The following EYA1 variants were observed in gnomAD, a reference collection of about 807,000 sequenced individuals.
The protein encoded by EYA1 is protein phosphatase EYA1.
EYA1 carries 16 observed loss-of-function variants against 82.0 expected under a neutral mutation model. That is an observed-to-expected ratio of 0.20 (90% confidence interval 0.13 to 0.30). EYA1 has a LOEUF of 0.30. Among genes scored for constraint, EYA1 ranks in the 10% least tolerant of loss-of-function variants. The pLI is 1.00. For missense variants in EYA1, 633 were observed against 730.7 expected (o/e 0.87, Z 1.54); for synonymous variants, 261 against 264.4 (o/e 0.99, Z 0.12).
At position 71,253,719 on chromosome 8, in the gene EYA1, G is replaced by C. The variant is rs13439784; in HGVS notation, c.1051-9027C>G. Reference sequence around the variant, plus strand: ...TTAGTTCTCTCACTTGAAACTAAGGGTGGTAAATTGAACTTCACCACACTA... The same window carrying C: ...TTAGTTCTCTCACTTGAAACTAAGGCTGGTAAATTGAACTTCACCACACTA... On this transcript the variant is annotated intron_variant, in intron 11 of 17. Transcript: ENST00000340726. Among the ~76,000 whole-genome samples the C allele has an allele frequency of 2.8e-3, 422 of 152,226 alleles. 2 individuals are homozygous for C. Among genetic ancestry groups the C allele is most frequent in the African/African-American group, 9.8e-3 (408 of 41,528 alleles).
chr8:71,518,455 G>A (rs571181418), intron 2 of EYA1, among the ~76,000 whole-genome samples: 4 of 152,120 alleles, frequency 2.6e-5, no homozygotes, highest in South Asian at 2.1e-4. Flanking sequence ...AAGGTGAAGC[G>A]ACAATGCTAT....
Position 71,501,572 on chromosome 8 carries a change from A to G in EYA1, c.33+34172T>C, listed in dbSNP as rs545109297. ...CATAAACCAGGCCATATTTTATACT[A>G]CATCTACATAAAGAAAAGCAGGAAA... On this transcript the variant is annotated intron_variant, in intron 2 of 18. Coordinates refer to the EYA1 transcript ENST00000643681. Among the ~76,000 whole-genome samples the G allele has an allele frequency of 2.6e-4, 39 of 152,350 alleles. No individual in the cohort carries two copies. The South Asian group carries it at 7.5e-3, about 29-fold the overall frequency.
chr8:71,209,579 C>T (rs779506026), intron 17 of EYA1, among the ~76,000 whole-genome samples: 13 of 152,198 alleles, frequency 8.5e-5, no homozygotes, highest in South Asian at 6.2e-4. Context: ...TGAAGGTAAA[C>T]TAGGCCATCT....
At chr8:71,459,087 T>C (rs1808175982) in intron 2 of EYA1, among the ~76,000 whole-genome samples, 1 of 152,176 alleles carries the variant, frequency 6.6e-6, no homozygotes, top group African/African-American at 2.4e-5. Context: ...CACAAGTTTC[T>C]ACAAAGTTTT....
At chr8:71,322,857 G>T (rs113671269) in intron 4 of EYA1, among the ~76,000 whole-genome samples, 3 of 152,228 alleles carry the variant, frequency 2.0e-5, no homozygotes, top group African/African-American at 7.2e-5. Context: ...AGCTAAGCCT[G>T]TTTTTTCCTG....
intron 16 of EYA1, among the ~76,000 whole-genome samples, chr8:71,214,182 A>G (rs1808887186): frequency 2.0e-5 from 3 of 152,122 alleles, no homozygotes; most frequent in Non-Finnish European, 1.5e-5. Context: ...ACCTGCTAGA[A>G]TGCTCATACC....
At chr8:71,405,405 A>G (rs1830165857) in intron 2 of EYA1, among the ~76,000 whole-genome samples, 2 of 152,044 alleles carry the variant, frequency 1.3e-5, no homozygotes, top group Admixed American at 6.5e-5. Flanking sequence ...TAAAGACTAG[A>G]CCCCTTTCTC....
chr8:71,270,695 CTT>C (rs1292239237), intron 10 of EYA1, among the ~76,000 whole-genome samples: 1 of 152,220 alleles, frequency 6.6e-6, no homozygotes, highest in Admixed American at 6.5e-5. Flanking sequence ...ATCTACCACT[CTT>C]TAAGTTCTTA....
intron 5 of EYA1, 88 bp from the exon 6 acceptor site, chr8:71,321,967 C>T: frequency 6.5e-7 from 1 of 1,550,152 alleles, no homozygotes; most frequent in Admixed American, 1.7e-5. Context: ...CAAATTCCAG[C>T]TAAATATTGT....
intron 4 of EYA1, among the ~76,000 whole-genome samples, chr8:71,328,048 G>C (rs1206584205): frequency 6.6e-6 from 1 of 151,746 alleles, no homozygotes; most frequent in African/African-American, 2.4e-5. Context: ...GTAGAGACAG[G>C]GTTTCACCAT....
intron 2 of EYA1, among the ~76,000 whole-genome samples, chr8:71,377,407 A>G (rs1380873535): frequency 6.6e-6 from 1 of 152,204 alleles, no homozygotes; most frequent in African/African-American, 2.4e-5. Flanking sequence ...AATCCACAGA[A>G]TCATGAACAA....
At chr8:71,340,128 A>T (rs992036082) in intron 3 of EYA1, among the ~76,000 whole-genome samples, 10 of 152,086 alleles carry the variant, frequency 6.6e-5, no homozygotes, top group African/African-American at 2.4e-4. Flanking sequence ...CATAATTTAG[A>T]TGTGCGTGAG....
At chr8:71,215,131 C>T (rs535574388) in intron 16 of EYA1, among the ~76,000 whole-genome samples, 1 of 152,098 alleles carries the variant, frequency 6.6e-6, no homozygotes, top group Non-Finnish European at 1.5e-5. Context: ...AATCCAGAAT[C>T]GATGCTGTTA....
At chr8:71,226,891 T>A (rs1373282372) in intron 12 of EYA1, among the ~76,000 whole-genome samples, 1 of 151,972 alleles carries the variant, frequency 6.6e-6, no homozygotes, top group Non-Finnish European at 1.5e-5. Context: ...CAAAAGGTTA[T>A]GTCCAAATGC....
At chr8:71,479,667 G>A (rs1255796764) in intron 2 of EYA1, among the ~76,000 whole-genome samples, 2 of 147,506 alleles carry the variant, frequency 1.4e-5, no homozygotes, top group African/African-American at 5.0e-5. Context: ...GGATATTTGG[G>A]GATACCATTT....
chr8:71,230,458 T>C (rs1811061737), intron 12 of EYA1, among the ~76,000 whole-genome samples: 1 of 152,354 alleles, frequency 6.6e-6, no homozygotes, highest in Non-Finnish European at 1.5e-5. Context: ...CACTCTGTTA[T>C]TCGCTGAGGC....
intron 2 of EYA1, among the ~76,000 whole-genome samples, chr8:71,396,852 T>C (rs1829649349): frequency 3.3e-5 from 5 of 152,212 alleles, no homozygotes; most frequent in Admixed American, 3.3e-4. Context: ...TTGTTGACTT[T>C]CTGTGTCGTT....
intron 4 of EYA1, among the ~76,000 whole-genome samples, chr8:71,325,071 C>T (rs1414973689): frequency 1.3e-5 from 2 of 152,152 alleles, no homozygotes; most frequent in Non-Finnish European, 2.9e-5. Flanking sequence ...GCACATTATC[C>T]CTAGGATAAA....
intron 11 of EYA1, among the ~76,000 whole-genome samples, chr8:71,266,070 T>C (rs1049431498): frequency 6.6e-6 from 1 of 152,258 alleles, no homozygotes; most frequent in Non-Finnish European, 1.5e-5. Flanking sequence ...AACCAGATCC[T>C]GTGTCCTCTT....
Sources: gnomAD v4.1 joint callset for allele counts (sites outside exome capture counted in the v4.1 genomes callset) on GRCh38, gnomAD v4.1.1 for gene constraint, MANE v1.5 for transcripts, NCBI Gene and HGNC (gene_info 2026-07-23, HGNC 2026-07-21) for gene names.